FNDC3A: variants seen among roughly 807,000 people sequenced by gnomAD.
The protein encoded by FNDC3A is fibronectin type III domain containing 3A.
Under a neutral mutation model 148.9 loss-of-function variants are expected in FNDC3A, and 32 were observed. The ratio of observed to expected loss-of-function variants is 0.21; its 90% CI spans 0.16 to 0.29. FNDC3A has a LOEUF of 0.29. Among genes scored for constraint, FNDC3A ranks in the 10% least tolerant of loss-of-function variants. FNDC3A has a pLI of 1.00. For synonymous variants in FNDC3A, 472 were observed against 473.6 expected (o/e 1.00, Z 0.04); for missense variants, 1,191 against 1,452.8 (o/e 0.82, Z 2.93).
intron 2 of FNDC3A, among the ~76,000 whole-genome samples, chr13:49,023,720 A>T (rs1032989465): frequency 6.6e-6 from 1 of 151,968 alleles, no homozygotes; most frequent in Non-Finnish European, 1.5e-5. Flanking sequence ...AGCAAGGAGG[A>T]AATAAAGAAT....
At chr13:49,178,531 A>G (rs1351791856) in intron 13 of FNDC3A, 37 bp from the exon 14 acceptor site, 1 of 1,239,300 alleles carries the variant, frequency 8.1e-7, no homozygotes, top group Non-Finnish European at 1.2e-6. Flanking sequence ...TTCTATTGTT[A>G]GACATCGAAT....
chr13:48,979,707 G>A (rs1951664700), intron 1 of FNDC3A, among the ~76,000 whole-genome samples: 2 of 152,072 alleles, frequency 1.3e-5, no homozygotes, highest in African/African-American at 4.8e-5. Flanking sequence ...GCTTATATGT[G>A]TTTGTTTGTA....
intron 3 of FNDC3A, among the ~76,000 whole-genome samples, chr13:49,112,738 C>G (rs1191762432): frequency 6.6e-6 from 1 of 152,006 alleles, no homozygotes; most frequent in Non-Finnish European, 1.5e-5. Context: ...CCTCAGTTTC[C>G]ACATCTAGAA....
chr13:49,153,693 G>A (rs1469457141), intron 8 of FNDC3A, among the ~76,000 whole-genome samples: 2 of 144,406 alleles, frequency 1.4e-5, no homozygotes, highest in Non-Finnish European at 3.0e-5. Flanking sequence ...ATTGATTTTT[G>A]TATAAGGTGT....
At chr13:49,185,420 G>C (rs1041146789) in intron 14 of FNDC3A, among the ~76,000 whole-genome samples, 1 of 152,070 alleles carries the variant, frequency 6.6e-6, no homozygotes, top group African/African-American at 2.4e-5. Context: ...TCACTTTCAG[G>C]TTCACTCACA....
intron 1 of FNDC3A, among the ~76,000 whole-genome samples, chr13:48,996,860 G>C (rs192228553): frequency 6.6e-6 from 1 of 152,116 alleles, no homozygotes; most frequent in Admixed American, 6.6e-5. Context: ...TCAGCAGTTC[G>C]AGACCAGCCT....
intron 1 of FNDC3A, among the ~76,000 whole-genome samples, chr13:48,995,573 C>T (rs1952008608): frequency 6.6e-6 from 1 of 152,104 alleles, no homozygotes; most frequent in South Asian, 2.1e-4. Flanking sequence ...TACCAATATA[C>T]ATTTCTATTA....
At chr13:49,004,523 T>C (rs1338894811) in intron 1 of FNDC3A, among the ~76,000 whole-genome samples, 1 of 152,034 alleles carries the variant, frequency 6.6e-6, no homozygotes, top group East Asian at 1.9e-4. Flanking sequence ...TGTGGCTCTA[T>C]ACCCAGTCTC....
rs367771707 is a variant in FNDC3A, at chr13:49,005,198, CTT to C, written c.-39-953_-39-952del. On this transcript the variant is annotated intron_variant, in intron 1 of 25. Transcript: ENST00000492622. ...AAAAATTATTTTCAATCTAAATCAA[CTT>C]GTGAGATTCAGCAGTCAAGATTTTA... 4.6e-3 allele frequency among the ~76,000 whole-genome samples: 699 copies of C among 151,878 alleles called. 6 individuals are homozygous for C. Among genetic ancestry groups the C allele is most frequent in the African/African-American group, 0.016 (677 of 41,496 alleles).
chr13:49,001,880 G>C (rs1348386777), intron 1 of FNDC3A, among the ~76,000 whole-genome samples: 1 of 152,114 alleles, frequency 6.6e-6, no homozygotes, highest in East Asian at 1.9e-4. Context: ...TTTGCCTTGT[G>C]ATATCTTATT....
At chr13:49,040,831 T>C (rs1205915246) in intron 2 of FNDC3A, among the ~76,000 whole-genome samples, 1 of 152,224 alleles carries the variant, frequency 6.6e-6, no homozygotes, top group Non-Finnish European at 1.5e-5. Context: ...CCTGTCACAC[T>C]TATAAGAGTT....
intron 1 of FNDC3A, among the ~76,000 whole-genome samples, chr13:48,983,970 A>G (rs1480663080): frequency 6.6e-6 from 1 of 152,200 alleles, no homozygotes; most frequent in Non-Finnish European, 1.5e-5. Flanking sequence ...TAATACAAAT[A>G]CAAATAGCAA....
Position 49,055,255 on chromosome 13 carries a change from C to T in FNDC3A, c.100-20034C>T, listed in dbSNP as rs376360287. Among the ~76,000 whole-genome samples the T allele has an allele frequency of 9.5e-4, 145 of 152,158 alleles. 1 individual carries two copies. Among genetic ancestry groups the T allele is most frequent in the African/African-American group, 3.4e-3 (140 of 41,512 alleles). ...AGTAGCTGGGAATACAAGCATGCAC[C>T]ACTACACCCAGCTAGTCTTATTTCT... On this transcript the variant is annotated intron_variant, in intron 2 of 25. Coordinates refer to ENST00000492622, the MANE Select transcript of FNDC3A (RefSeq NM_001079673.2).
chr13:49,092,609 G>T (rs985492192), intron 3 of FNDC3A, among the ~76,000 whole-genome samples: 6 of 151,764 alleles, frequency 4.0e-5, no homozygotes. Context: ...TCATCACACC[G>T]CCTTCATACC....
At chr13:49,040,218 G>C (rs1237630136) in intron 2 of FNDC3A, among the ~76,000 whole-genome samples, 1 of 152,172 alleles carries the variant, frequency 6.6e-6, no homozygotes, top group Admixed American at 6.5e-5. Context: ...GTAATTATTA[G>C]TAGTACTGAA....
intron 23 of FNDC3A, among the ~76,000 whole-genome samples, chr13:49,199,353 C>T (rs1421419585): frequency 7.9e-5 from 11 of 139,520 alleles, no homozygotes; most frequent in African/African-American, 1.1e-4. Context: ...TTTTTTGAGA[C>T]GGAGTCTCAC....
intron 13 of FNDC3A, among the ~76,000 whole-genome samples, chr13:49,178,046 A>G (rs1053632025): frequency 6.6e-6 from 1 of 152,212 alleles, no homozygotes; most frequent in Non-Finnish European, 1.5e-5. Context: ...TCAAAAAATG[A>G]TAACGTTCGG....
intron 3 of FNDC3A, among the ~76,000 whole-genome samples, chr13:49,108,907 T>C (rs908601077): frequency 6.6e-6 from 1 of 152,242 alleles, no homozygotes; most frequent in South Asian, 2.1e-4. Flanking sequence ...TCTTATCTCC[T>C]CTGGGGTGTC....
rs1052986092 is a variant in FNDC3A at position 49,037,692 on chromosome 13, C to T, written c.99+31403C>T. Reference sequence around the variant, plus strand: ...CGGGAGAGTTCCCTGGCCTCACCCCCCTCACAGTACATGCAACAGAGGCAT... The same window carrying T: ...CGGGAGAGTTCCCTGGCCTCACCCCTCTCACAGTACATGCAACAGAGGCAT... On this transcript the variant is annotated intron_variant, in intron 2 of 25. Transcript: ENST00000492622. Among the ~76,000 whole-genome samples the T allele has an allele frequency of 2.0e-5, 3 of 152,318 alleles. No individual in the cohort carries two copies. The East Asian group carries it at 5.8e-4, about 29-fold the overall frequency.
Sources: allele counts gnomAD v4.1 joint callset (sites outside exome capture counted in the v4.1 genomes callset), GRCh38; gene constraint gnomAD v4.1.1; transcripts MANE v1.5; gene names NCBI Gene and HGNC (gene_info 2026-07-23, HGNC 2026-07-21).